Variants in ZXDC observed in about 807,000 individuals in gnomAD.
ZXDC encodes the protein zinc finger protein ZXDC.
In ZXDC, 58 loss-of-function variants were observed where a neutral mutation model predicts 63.6. The ratio of observed to expected loss-of-function variants is 0.91; its 90% CI spans 0.74 to 1.13. ZXDC has a LOEUF of 1.13. Ranked by LOEUF, ZXDC falls within the 50% of genes most tolerant of loss-of-function variation. The probability of loss-of-function intolerance (pLI) is 0.00; values close to 1 mark genes in which losing one functional copy is unlikely to be tolerated. For synonymous variants in ZXDC, 561 were observed against 496.1 expected (o/e 1.13, Z -1.74); for missense variants, 1,133 against 1,148.9 (o/e 0.99, Z 0.20).
At chr3:126,465,125 A>C (rs1455928220) in intron 5 of ZXDC, among the ~76,000 whole-genome samples, 1 of 152,204 alleles carries the variant, frequency 6.6e-6, no homozygotes, top group Non-Finnish European at 1.5e-5. Flanking sequence ...AGGAGACGTG[A>C]GGACCCAGTT....
intron 4 of ZXDC, among the ~76,000 whole-genome samples, chr3:126,467,634 C>G (rs1576687931): frequency 6.6e-6 from 1 of 152,312 alleles, no homozygotes; most frequent in South Asian, 2.1e-4. Context: ...TCTAATACAG[C>G]TGCAAACTCG....
chr3:126,440,744 G>A lies in ZXDC; in HGVS notation c.2395-1017C>T, dbSNP rs994052838. 6.1e-6 allele frequency: 6 copies of A among 985,702 alleles called. No homozygotes were observed. In the African/African-American group the frequency reaches 8.8e-5, roughly 14 times the overall value. 61.1% of individuals were successfully genotyped at this position (985,702 alleles called of 1,614,324 possible). ...CTTCAGCCCCCATCTGACGCTCACC[G>A]CTAGCTTCCAACCAGCACAGGGCCA... On this transcript the variant is annotated intron_variant, in intron 8 of 9. Transcript: ENST00000389709.
intron 4 of ZXDC, 92 bp from the exon 5 acceptor site, chr3:126,466,417 C>T (rs1416409953): frequency 4.1e-6 from 6 of 1,463,370 alleles, no homozygotes; most frequent in Non-Finnish European, 4.7e-6. Context: ...AACCACCAGA[C>T]CTGCATTTTG....
rs191379603 is a variant in ZXDC at position 126,451,257 on chromosome 3, C to T, written c.2212+8396G>A. On this transcript the variant is annotated intron_variant, in intron 7 of 9. Transcript: ENST00000389709. ...ACTTCATGCATGCATATGTGTACTACTGCTTGTTTCCAGGTAAATGTACAC... is the reference window on the plus strand; with the variant it reads ...ACTTCATGCATGCATATGTGTACTATTGCTTGTTTCCAGGTAAATGTACAC... 1.1e-4 allele frequency: 105 copies of T among 985,406 alleles called. 2 individuals carry two copies. The Admixed American group carries it at 6.4e-3, about 60-fold the overall frequency. The allele number at this position is 985,406 out of a possible 1,614,324, so 61.0% of individuals were successfully genotyped here. A position where few individuals can be genotyped will look rare whatever the true frequency, so the allele number is the denominator to read the frequency against.
In ZXDC at chr3:126,441,897, A is replaced by G; in HGVS notation, c.2262T>C (p.Pro754=). The part of the protein sequence containing the change: ...QRKIKEGKMS[P]PHFHASQNSW... ...TGTTCTGGCTTGCATGGAAATGGGG[A>G]GGACTCATTTTGCCTTCTTTTATTT... is the stretch of plus-strand genomic sequence containing the variant. The change falls in exon 8 of 10, where the codon CCT becomes CCC. Residue 754 remains proline (P), a synonymous_variant. Coordinates refer to ENST00000389709, the MANE Select transcript of ZXDC (RefSeq NM_025112.5). The G allele has an allele frequency of 6.2e-7, 1 of 1,612,674 alleles. No individual in the cohort carries two copies. Among genetic ancestry groups the G allele is most frequent in the Admixed American group, 1.7e-5 (1 of 59,684 alleles).
chr3:126,464,381 C>A (rs533817517), intron 5 of ZXDC, among the ~76,000 whole-genome samples: 2 of 152,282 alleles, frequency 1.3e-5, no homozygotes, highest in South Asian at 4.1e-4. Context: ...GAACCCACTC[C>A]CAGGACCACC....
At chr3:126,468,697 G>A (rs547204066) in intron 4 of ZXDC, among the ~76,000 whole-genome samples, 3 of 152,120 alleles carry the variant, frequency 2.0e-5, no homozygotes, top group Non-Finnish European at 4.4e-5. Flanking sequence ...CACCTCTCAG[G>A]GCACCAGAGC....
At chr3:126,438,709 T>C (rs1278819906) in intron 9 of ZXDC, among the ~76,000 whole-genome samples, 1 of 152,226 alleles carries the variant, frequency 6.6e-6, no homozygotes, top group Non-Finnish European at 1.5e-5. Context: ...CATATACCCA[T>C]ATGCCTTTTT....
intron 7 of ZXDC, chr3:126,455,155 T>C (rs1213398796): frequency 4.2e-6 from 4 of 945,634 alleles, no homozygotes; most frequent in Non-Finnish European, 5.0e-6. Context: ...CAAACCCAAT[T>C]TTTTTTCCCT....
At chr3:126,445,224 G>A (rs1933837834) in intron 7 of ZXDC, among the ~76,000 whole-genome samples, 2 of 152,136 alleles carry the variant, frequency 1.3e-5, no homozygotes, top group African/African-American at 4.8e-5. Flanking sequence ...AATTGCTCAC[G>A]CTTATACATA....
chr3:126,458,526 C>T, intron 7 of ZXDC: 1 of 951,672 alleles, frequency 1.1e-6, no homozygotes, highest in Non-Finnish European at 1.3e-6. Flanking sequence ...GTATGAGCCA[C>T]CGCACCTGGC....
rs183665047 is a variant in ZXDC at position 126,438,759 on chromosome 3, C to T, written c.2491-298G>A. 2.3e-3 allele frequency among the ~76,000 whole-genome samples: 355 copies of T among 152,310 alleles called. 1 individual carries two copies. Among genetic ancestry groups the T allele is most frequent in the Admixed American group, 6.7e-3 (103 of 15,300 alleles). Reference sequence around the variant, plus strand: ...ATCTTTACTTCTGCAACCCTTTCTCCGCACTTCTCACGCGGTGAGCACTCT... The same window carrying T: ...ATCTTTACTTCTGCAACCCTTTCTCTGCACTTCTCACGCGGTGAGCACTCT... On this transcript the variant is annotated intron_variant, in intron 9 of 9. Transcript: ENST00000389709.
chr3:126,468,525 T>G (rs566215980), intron 4 of ZXDC, among the ~76,000 whole-genome samples: 1 of 151,918 alleles, frequency 6.6e-6, no homozygotes, highest in African/African-American at 2.4e-5. Flanking sequence ...ACGTGGGGAG[T>G]GCCCAGTTTC....
chr3:126,449,686 G>A (rs6795359), intron 7 of ZXDC, among the ~76,000 whole-genome samples: 31,163 of 152,128 alleles, frequency 0.2, 3,312 homozygotes, highest in East Asian at 0.39. Context: ...GCCACTGACG[G>A]CCAGGAGTCA....
chr3:126,452,374 G>C, intron 7 of ZXDC: 1 of 985,310 alleles, frequency 1.0e-6, no homozygotes, highest in Non-Finnish European at 1.2e-6. Flanking sequence ...TTCATCCCAC[G>C]TCTGTCAGCC....
rs1934767104 is a variant in ZXDC, at chr3:126,466,391, T to A, written c.1271-66A>T. ...CCAAGGAACCAGGAACAAGTGACAC[T>A]TCCCCATCAGATCAGAACCACCAGA... On this transcript the variant is annotated intron_variant, in intron 4 of 9. Coordinates refer to ENST00000389709, the MANE Select transcript of ZXDC (RefSeq NM_025112.5). The A allele has an allele frequency of 4.4e-6, 7 of 1,591,524 alleles. No individual in the cohort carries two copies. The South Asian group carries it at 7.8e-5, about 18-fold the overall frequency.
At chr3:126,453,754 G>T in intron 7 of ZXDC, 2 of 976,736 alleles carry the variant, frequency 2.0e-6, no homozygotes, top group Non-Finnish European at 2.4e-6. Context: ...CAGTGCAATG[G>T]TGCGATCTTG....
rs546780907 is a variant in ZXDC, at chr3:126,452,032, TA to T, written c.2212+7620del. 177 of 985,228 alleles carry T rather than the reference TA, an allele frequency of 1.8e-4. No individual in the cohort carries two copies. The African/African-American group carries it at 2.3e-3, about 13-fold the overall frequency. The allele number at this position is 985,228 out of a possible 1,614,324, so 61.0% of individuals were successfully genotyped here. A position where few individuals can be genotyped will look rare whatever the true frequency, so the allele number is the denominator to read the frequency against. ...TTCTTTATTCTGTATGGAATTCTAA[TA>T]TTTTTTTTTCCCTAAAAGGCCAGCA... On this transcript the variant is annotated intron_variant, in intron 7 of 9. Coordinates refer to ENST00000389709, the MANE Select transcript of ZXDC (RefSeq NM_025112.5).
intron 7 of ZXDC, chr3:126,454,949 A>T: frequency 1.0e-6 from 1 of 985,444 alleles, no homozygotes; most frequent in South Asian, 4.7e-5. Context: ...TTGGATTTCA[A>T]ATGCTATTGC....
Sources: gnomAD v4.1 joint callset for allele counts (sites outside exome capture counted in the v4.1 genomes callset) on GRCh38, gnomAD v4.1.1 for gene constraint, MANE v1.5 for transcripts, NCBI Gene and HGNC (gene_info 2026-07-23, HGNC 2026-07-21) for gene names.